Variants in CRHR1 observed in about 807,000 individuals in gnomAD.
CRHR1 encodes the protein corticotropin releasing hormone receptor 1.
A neutral mutation model predicts 56.0 loss-of-function variants in CRHR1; 28 were observed. The ratio of observed to expected loss-of-function variants is 0.50; its 90% CI spans 0.37 to 0.69. The LOEUF is 0.69. Ranked by LOEUF, CRHR1 falls within the 30% of genes least tolerant of loss-of-function variation. CRHR1 has a pLI of 0.00. For missense variants in CRHR1, 376 were observed against 548.0 expected, an observed-to-expected ratio of 0.69 and a Z score of 3.13; for synonymous variants, 195 against 216.5, an observed-to-expected ratio of 0.90 and a Z score of 0.87.
intron 5 of CRHR1, chr17:45,829,553 A>C (rs1299599213): frequency 2.6e-6 from 4 of 1,548,302 alleles, no homozygotes; most frequent in African/African-American, 2.7e-5. Context: ...TATGTCACCC[A>C]TACCCAGGCC....
At chr17:45,819,989 T>C (rs2062008043) in intron 3 of CRHR1, among the ~76,000 whole-genome samples, 1 of 152,118 alleles carries the variant, frequency 6.6e-6, no homozygotes, top group Non-Finnish European at 1.5e-5. Flanking sequence ...CTTTTATAAA[T>C]GAGAAGGGGT....
chr17:45,816,596 G>A lies in CRHR1; in HGVS notation c.241+14G>A. 2 of 1,614,028 alleles carry A rather than the reference G, an allele frequency of 1.2e-6. No homozygotes were observed. Among genetic ancestry groups the A allele is most frequent in the Non-Finnish European group, 1.7e-6 (2 of 1,179,992 alleles). On this transcript the variant is annotated intron_variant, in intron 3 of 12. Coordinates refer to ENST00000314537, the MANE Select transcript of CRHR1 (RefSeq NM_004382.5). ...ACAATACCACAAGTAAGGAAGAAGT[G>A]GAGGGTGGACCATCTGCTGGGAGGT...
Position 45,816,627 on chromosome 17 carries a change from A to G in CRHR1, c.241+45A>G, listed in dbSNP as rs1261965037. 3 of 1,611,520 alleles carry G rather than the reference A, an allele frequency of 1.9e-6. No homozygotes were observed. The East Asian group carries it at 6.7e-5, about 36-fold the overall frequency. On this transcript the variant is annotated intron_variant, in intron 3 of 12. Coordinates refer to ENST00000314537, the MANE Select transcript of CRHR1 (RefSeq NM_004382.5). ...TGGACCATCTGCTGGGAGGTGGGAC[A>G]GGATGGGGAGAGCTTGGAGGTGGGG...
At chr17:45,828,377 G>C (rs369709453) in intron 4 of CRHR1, among the ~76,000 whole-genome samples, 1 of 152,188 alleles carries the variant, frequency 6.6e-6, no homozygotes, top group African/African-American at 2.4e-5. Context: ...ACAAAATAAA[G>C]CCCAGATGCC....
intron 10 of CRHR1, 21 bp from the exon 11 acceptor site, chr17:45,833,693 T>TGGGGGGGGGGCCCCCCCC: frequency 1.9e-6 from 3 of 1,571,608 alleles, no homozygotes; most frequent in Non-Finnish European, 2.6e-6. Context: ...ACTCCGAGCC[T>TGGGGGGGGGGCCCCCCCC]CCCCACCCGC....
chr17:45,820,629 C>T (rs2062020020), intron 3 of CRHR1, among the ~76,000 whole-genome samples: 1 of 152,184 alleles, frequency 6.6e-6, no homozygotes, highest in East Asian at 1.9e-4. Context: ...GCAGCTGTGA[C>T]AGACCTGAGT....
At chr17:45,834,411 G>T (rs1458333355) in intron 12 of CRHR1, among the ~76,000 whole-genome samples, 2 of 152,200 alleles carry the variant, frequency 1.3e-5, no homozygotes, top group Non-Finnish European at 2.9e-5. Context: ...GTTAGAAAAG[G>T]GTGCCCCTTC....
chr17:45,834,405 G>A (rs2062390391), intron 12 of CRHR1, among the ~76,000 whole-genome samples: 1 of 152,210 alleles, frequency 6.6e-6, no homozygotes, highest in Admixed American at 6.5e-5. Flanking sequence ...GTGTGGGTTA[G>A]AAAAGGGTGC....
intron 4 of CRHR1, 136 bp from the exon 5 acceptor site, chr17:45,829,079 C>A: frequency 1.5e-6 from 1 of 679,870 alleles, no homozygotes. Context: ...AGGCCTGACC[C>A]TCAGCAGATG....
At chr17:45,805,678 C>T (rs904103277) in intron 1 of CRHR1, among the ~76,000 whole-genome samples, 2 of 152,108 alleles carry the variant, frequency 1.3e-5, no homozygotes, top group African/African-American at 4.8e-5. Context: ...TCAGGCTCAC[C>T]ACCCTGTCTG....
At chr17:45,793,754 C>T (rs749378691) in intron 1 of CRHR1, among the ~76,000 whole-genome samples, 6 of 152,150 alleles carry the variant, frequency 3.9e-5, no homozygotes, top group Non-Finnish European at 7.4e-5. Flanking sequence ...GACCACTGTC[C>T]CTAAAGCTGA....
chr17:45,790,633 G>A (rs1272132941), intron 1 of CRHR1, among the ~76,000 whole-genome samples: 10 of 152,156 alleles, frequency 6.6e-5, no homozygotes, highest in Non-Finnish European at 1.5e-4. Flanking sequence ...GCTTTGAGAT[G>A]GGATTTGTGG....
intron 1 of CRHR1, among the ~76,000 whole-genome samples, chr17:45,786,321 A>C (rs557967649): frequency 2.3e-3 from 347 of 152,230 alleles, no homozygotes; most frequent in Admixed American, 3.2e-3. Context: ...GCATTCAATA[A>C]ATTCCAGATG....
At chr17:45,801,760 A>G (rs2061627056) in intron 1 of CRHR1, among the ~76,000 whole-genome samples, 1 of 152,222 alleles carries the variant, frequency 6.6e-6, no homozygotes. Flanking sequence ...GATGGAGTGG[A>G]GGAGCAAGAG....
In CRHR1 at chr17:45,816,526, A is replaced by G. The variant is rs1244829253; in HGVS notation, c.185A>G (p.Gln62Arg). ...TGCTGGCCCCGCAGCCCTGCGGGGCAGCTAGTGGTTCGGCCCTGCCCTGCC... is the reference window on the plus strand; with the variant it reads ...TGCTGGCCCCGCAGCCCTGCGGGGCGGCTAGTGGTTCGGCCCTGCCCTGCC... ...GTCWPRSPAG[Q>R]LVVRPCPAFF... The change falls in exon 3 of 13, where the codon CAG (glutamine) becomes CGG (arginine). Residue 62 changes from glutamine (Q) to arginine (R), a missense_variant. By Grantham distance (43) the Gln-to-Arg change is conservative (BLOSUM62 1). Around this residue, in one of 2 missense-constraint regions of CRHR1, gnomAD observed 369 missense variants for 519.5 expected, o/e 0.71. Coordinates refer to ENST00000314537, the MANE Select transcript of CRHR1 (RefSeq NM_004382.5). 6.8e-6 allele frequency: 11 copies of G among 1,614,172 alleles called. No individual in the cohort carries two copies. Among genetic ancestry groups the G allele is most frequent in the Non-Finnish European group, 9.3e-6 (11 of 1,180,026 alleles).
At chr17:45,831,020 C>A (rs1429732848) in intron 8 of CRHR1, 80 bp downstream of exon 8, 1 of 1,377,504 alleles carries the variant, frequency 7.3e-7, no homozygotes, top group East Asian at 2.3e-5. Flanking sequence ...CGGGCATTGG[C>A]CATGCTGGCT....
In CRHR1 at chr17:45,797,455, T is replaced by C. The variant is rs189295982; in HGVS notation, c.34-9555T>C. ...ACAGGCGCCCGCCACCACGCCCAGCTAGTTTTTTGTATTTTTAGTAGAGAC... is the reference window on the plus strand; with the variant it reads ...ACAGGCGCCCGCCACCACGCCCAGCCAGTTTTTTGTATTTTTAGTAGAGAC... On this transcript the variant is annotated intron_variant, in intron 1 of 12. Coordinates refer to ENST00000314537, the MANE Select transcript of CRHR1 (RefSeq NM_004382.5). 3.4e-3 allele frequency among the ~76,000 whole-genome samples: 516 copies of C among 151,930 alleles called. 5 individuals are homozygous for C. Among genetic ancestry groups the C allele is most frequent in the African/African-American group, 0.012 (503 of 41,406 alleles).
intron 1 of CRHR1, among the ~76,000 whole-genome samples, chr17:45,791,850 T>A (rs62057074): frequency 0.035 from 3,881 of 112,006 alleles, 72 homozygotes; most frequent in Non-Finnish European, 0.057. Context: ...TCTCTCTCTC[T>A]CTCACACACA....
chr17:45,834,199 T>C (rs2062385434), intron 12 of CRHR1, 151 bp downstream of exon 12: 3 of 967,608 alleles, frequency 3.1e-6, no homozygotes, highest in Non-Finnish European at 4.7e-6. Context: ...AGCCCCAGGG[T>C]GGCCCCTCCC....
Sources: gnomAD v4.1 joint callset for allele counts (sites outside exome capture counted in the v4.1 genomes callset) on GRCh38, gnomAD v4.1.1 for gene constraint, gnomAD v4.1.1 regional missense constraint, MANE v1.5 for transcripts, NCBI Gene and HGNC (gene_info 2026-07-23, HGNC 2026-07-21) for gene names.